Variants in ACTL8 observed in about 807,000 individuals in gnomAD.
ACTL8 encodes the protein actin like 8, also known as actin-like protein 8.
Under a neutral mutation model 9.3 loss-of-function variants are expected in ACTL8, and 3 were observed. The ratio of observed to expected loss-of-function variants is 0.32; its 90% CI spans 0.15 to 0.83. The LOEUF (loss-of-function observed/expected upper bound fraction) is 0.83. ACTL8 is among the 40% of genes least tolerant of loss of function. The probability of loss-of-function intolerance (pLI) is 0.57; values close to 1 mark genes in which losing one functional copy is unlikely to be tolerated. For missense variants in ACTL8, 381 were observed against 492.2 expected, an observed-to-expected ratio of 0.77 and a Z score of 2.14; for synonymous variants, 224 against 205.9, an observed-to-expected ratio of 1.09 and a Z score of -0.75.
At chr1:17,791,726 G>A (rs572047375) in intron 1 of ACTL8, among the ~76,000 whole-genome samples, 1 of 152,240 alleles carries the variant, frequency 6.6e-6, no homozygotes, top group Non-Finnish European at 1.5e-5. Flanking sequence ...CCTGTGGAAC[G>A]AGGAGGGTGA....
intron 1 of ACTL8, among the ~76,000 whole-genome samples, chr1:17,810,659 C>T (rs1363368679): frequency 6.6e-6 from 1 of 152,180 alleles, no homozygotes. Flanking sequence ...AAAAATTCCT[C>T]CAGTCCTGTA....
rs368004903 is a variant in ACTL8 at position 17,823,097 on chromosome 1, C to A, written c.89C>A (p.Pro30Gln). 3 of 1,614,080 alleles carry A rather than the reference C, an allele frequency of 1.9e-6. No individual in the cohort carries two copies. Among genetic ancestry groups the A allele is most frequent in the Non-Finnish European group, 2.5e-6 (3 of 1,180,054 alleles). ...TGGAATGAGCCTCAGATGGTCTTCC[C>A]GAACATCGTGAACTACCTACCGTGC... ...AGWNEPQMVF[P>Q]NIVNYLPCKE... The change falls in exon 2 of 3, where the codon CCG (proline) becomes CAG (glutamine). Residue 30 changes from proline to glutamine, a missense_variant. Coordinates refer to ENST00000375406, the MANE Select transcript of ACTL8 (RefSeq NM_030812.3). The surrounding 1 kb of genome is among the most constrained non-coding windows in gnomAD (Gnocchi z 5.3).
intron 1 of ACTL8, among the ~76,000 whole-genome samples, chr1:17,813,316 G>A (rs1043675949): frequency 6.6e-6 from 1 of 152,140 alleles, no homozygotes; most frequent in Non-Finnish European, 1.5e-5. Context: ...AGTCTTCTCT[G>A]TTCCTAGTTA....
chr1:17,792,694 C>T (rs745558578), intron 1 of ACTL8, among the ~76,000 whole-genome samples: 11 of 152,316 alleles, frequency 7.2e-5, no homozygotes, highest in Middle Eastern at 3.4e-3. Context: ...TCTTGGAGAT[C>T]GTGAGGCTCT....
At position 17,821,567 on chromosome 1, in the gene ACTL8, C is replaced by CT. The variant is rs1362921048; in HGVS notation, c.-24-1411dup. Among the ~76,000 whole-genome samples the CT allele has an allele frequency of 1.5e-4, 23 of 152,262 alleles. No individual in the cohort carries two copies. The South Asian group carries it at 4.4e-3, about 29-fold the overall frequency. On this transcript the variant is annotated intron_variant, in intron 1 of 2. Coordinates refer to ENST00000375406, the MANE Select transcript of ACTL8 (RefSeq NM_030812.3). The stretch of plus-strand genomic sequence containing the variant: ...CGACCTTGTCAAAGAGCAAATGACA[C>CT]TTTTTTTGTGTGTGGGCCTATTTCT...
chr1:17,765,498 G>A (rs1418394947), intron 1 of ACTL8, among the ~76,000 whole-genome samples: 1 of 152,158 alleles, frequency 6.6e-6, no homozygotes, highest in African/African-American at 2.4e-5. Flanking sequence ...CATTTGACAG[G>A]TGAGGAAACC....
At chr1:17,790,511 T>C (rs1190342805) in intron 1 of ACTL8, among the ~76,000 whole-genome samples, 1 of 152,202 alleles carries the variant, frequency 6.6e-6, no homozygotes, top group Non-Finnish European at 1.5e-5. Flanking sequence ...TGCAGCCTGT[T>C]GTCCCGATGT....
chr1:17,762,327 C>G (rs930084758), intron 1 of ACTL8, among the ~76,000 whole-genome samples: 1 of 152,048 alleles, frequency 6.6e-6, no homozygotes, highest in Non-Finnish European at 1.5e-5. Context: ...CGCTGGTCCA[C>G]GCAGAAAGGA....
At chr1:17,778,850 G>T (rs909379959) in intron 1 of ACTL8, among the ~76,000 whole-genome samples, 1 of 152,168 alleles carries the variant, frequency 6.6e-6, no homozygotes, top group Non-Finnish European at 1.5e-5. Flanking sequence ...CCCAGACATG[G>T]ATTTGGTGCT....
intron 2 of ACTL8, among the ~76,000 whole-genome samples, chr1:17,824,512 A>C (rs1244005683): frequency 1.3e-5 from 2 of 152,226 alleles, no homozygotes; most frequent in Admixed American, 1.3e-4. Context: ...GAGACCATAC[A>C]TCAAGTTAAA....
At chr1:17,770,844 C>T (rs2066077818) in intron 1 of ACTL8, among the ~76,000 whole-genome samples, 1 of 152,026 alleles carries the variant, frequency 6.6e-6, no homozygotes, top group African/African-American at 2.4e-5. Context: ...AGTTGTCAGT[C>T]CTGGGCTCTG....
chr1:17,816,714 G>A (rs1041488567), intron 1 of ACTL8, among the ~76,000 whole-genome samples: 1 of 152,092 alleles, frequency 6.6e-6, no homozygotes, highest in African/African-American at 2.4e-5. Flanking sequence ...ACTGCCATGG[G>A]TGTGTCCCAG....
chr1:17,814,454 C>G (rs934258919), intron 1 of ACTL8, among the ~76,000 whole-genome samples: 2 of 152,182 alleles, frequency 1.3e-5, no homozygotes. Context: ...CAATACAATA[C>G]ATACCATTAT....
intron 1 of ACTL8, among the ~76,000 whole-genome samples, chr1:17,759,485 TG>T (rs2065988270): frequency 6.6e-6 from 1 of 152,252 alleles, no homozygotes; most frequent in Admixed American, 6.5e-5. Context: ...GGCAGATTTC[TG>T]GTAAGTTCTA....
chr1:17,823,069 G>GGATGGAATGA lies in ACTL8; in HGVS notation c.62_63insATGGAATGAG (p.Pro25LeufsTer3), dbSNP rs2053677096. ...TGGCTTTTTGAAGGCTGGCACGGCCGGCTGGAATGAGCCTCAGATGGTCTT... is the reference window on the plus strand; with the variant it reads ...TGGCTTTTTGAAGGCTGGCACGGCCGGATGGAATGAGCTGGAATGAGCCTCAGATGGTCTT... On this transcript the variant is annotated frameshift_variant, in exon 2 of 3. Transcript: ENST00000375406. LOFTEE classifies it high-confidence loss of function. This position sits in a 1 kb window ranked among gnomAD's most constrained non-coding sequence, Gnocchi z 5.3. 6.2e-7 allele frequency: 1 copy of GGATGGAATGA among 1,614,088 alleles called. No individual in the cohort carries two copies. The highest frequency in any genetic ancestry group is 8.5e-7 in the Non-Finnish European group (1 of 1,180,052).
intron 1 of ACTL8, among the ~76,000 whole-genome samples, chr1:17,757,720 T>C (rs1192140964): frequency 6.6e-6 from 1 of 152,118 alleles, no homozygotes; most frequent in African/African-American, 2.4e-5. Flanking sequence ...ACGACAAGAC[T>C]GGTGACATGT....
intron 1 of ACTL8, among the ~76,000 whole-genome samples, chr1:17,765,668 AC>A (rs2066039291): frequency 6.6e-6 from 1 of 152,118 alleles, no homozygotes; most frequent in African/African-American, 2.4e-5. Context: ...GTAGCACGTC[AC>A]CCGGCTCTCT....
chr1:17,779,469 G>T (rs1401345804), intron 1 of ACTL8, among the ~76,000 whole-genome samples: 2 of 152,200 alleles, frequency 1.3e-5, no homozygotes, highest in Admixed American at 6.5e-5. Context: ...CTCATCATCA[G>T]ATCTGCAAAA....
intron 1 of ACTL8, among the ~76,000 whole-genome samples, chr1:17,788,000 G>A (rs372500207): frequency 5.3e-5 from 8 of 152,206 alleles, no homozygotes; most frequent in Admixed American, 6.5e-5. Context: ...TGACAAGCAG[G>A]GGGGCTGAGC....
Sources: allele counts gnomAD v4.1 joint callset (sites outside exome capture counted in the v4.1 genomes callset), GRCh38; gene constraint gnomAD v4.1.1; non-coding constraint Gnocchi (gnomAD v3.1); transcripts MANE v1.5; gene names NCBI Gene and HGNC (gene_info 2026-07-23, HGNC 2026-07-21).